Variants in CCDC146 observed in about 807,000 individuals in gnomAD.
CCDC146 encodes the protein coiled-coil domain containing 146, also known as coiled-coil domain-containing protein 146.
A neutral mutation model predicts 119.3 loss-of-function variants in CCDC146; 92 were observed. That is an observed-to-expected ratio of 0.77 (90% confidence interval 0.65 to 0.92). The LOEUF is 0.92. Ranked by LOEUF, CCDC146 falls within the 40% of genes least tolerant of loss-of-function variation. CCDC146 has a pLI of 0.00. For missense variants in CCDC146, 1,000 were observed against 1,103.0 expected (o/e 0.91, Z 1.32); for synonymous variants, 372 against 371.8 (o/e 1.00, Z -0.01).
intron 2 of CCDC146, among the ~76,000 whole-genome samples, chr7:77,221,335 C>T (rs1397355941): frequency 6.6e-6 from 1 of 152,190 alleles, no homozygotes; most frequent in Non-Finnish European, 1.5e-5. Flanking sequence ...CTTTTAATAT[C>T]CATTCCAAAC....
chr7:77,192,037 C>T (rs146002133), intron 2 of CCDC146, among the ~76,000 whole-genome samples: 1,759 of 152,166 alleles, frequency 0.012, 30 homozygotes, highest in African/African-American at 0.04. Context: ...AGCAATTCTC[C>T]TGCCTCAGCT....
chr7:77,148,729 A>G (rs1584025332), intron 1 of CCDC146, among the ~76,000 whole-genome samples: 1 of 152,232 alleles, frequency 6.6e-6, no homozygotes, highest in African/African-American at 2.4e-5. Flanking sequence ...CCCATTCACA[A>G]TTGCTTCAAA....
intron 2 of CCDC146, among the ~76,000 whole-genome samples, chr7:77,234,608 G>A (rs972764808): frequency 2.0e-5 from 3 of 152,068 alleles, no homozygotes; most frequent in South Asian, 2.1e-4. Flanking sequence ...GGTGGCATGC[G>A]CCTGTAGTCC....
At chr7:77,137,866 T>C (rs1790880639) in intron 1 of CCDC146, among the ~76,000 whole-genome samples, 1 of 150,472 alleles carries the variant, frequency 6.6e-6, no homozygotes, top group Non-Finnish European at 1.5e-5. Context: ...CTCAAATATA[T>C]GTAGGTTCTG....
At chr7:77,249,046 C>T (rs1016168097) in intron 4 of CCDC146, among the ~76,000 whole-genome samples, 1 of 152,118 alleles carries the variant, frequency 6.6e-6, no homozygotes, top group Admixed American at 6.5e-5. Context: ...TGACTATGTC[C>T]TTAACTGATC....
intron 2 of CCDC146, among the ~76,000 whole-genome samples, chr7:77,221,203 A>G (rs1461574761): frequency 6.6e-6 from 1 of 152,224 alleles, no homozygotes; most frequent in African/African-American, 2.4e-5. Flanking sequence ...CTCCACCTCC[A>G]ACACTGGGTA....
rs557123737 is a variant in CCDC146 at position 77,180,735 on chromosome 7, C to T, written c.156+12911C>T. On this transcript the variant is annotated intron_variant, in intron 2 of 18. Coordinates refer to ENST00000285871, the MANE Select transcript of CCDC146 (RefSeq NM_020879.3). ...TCCTTTAAAAATTTTTGGATATATA[C>T]CCGGAAGTGGAATGGCTGAATGATG... 5.3e-5 allele frequency among the ~76,000 whole-genome samples: 8 copies of T among 151,994 alleles called. No homozygotes were observed. The South Asian group carries it at 1.5e-3, about 28-fold the overall frequency.
At chr7:77,291,367 T>C (rs1356073545) in intron 17 of CCDC146, among the ~76,000 whole-genome samples, 1 of 151,954 alleles carries the variant, frequency 6.6e-6, no homozygotes, top group African/African-American at 2.4e-5. Context: ...GTTAGTCTTA[T>C]CTTTTAACTG....
At chr7:77,221,930 T>A (rs902624506) in intron 2 of CCDC146, among the ~76,000 whole-genome samples, 2 of 152,218 alleles carry the variant, frequency 1.3e-5, no homozygotes, top group Admixed American at 6.5e-5. Flanking sequence ...GCCCTGTATT[T>A]ACATGACAAA....
At chr7:77,242,067 G>A (rs555085435) in intron 4 of CCDC146, among the ~76,000 whole-genome samples, 167 bp downstream of exon 4, 1 of 152,330 alleles carries the variant, frequency 6.6e-6, no homozygotes, top group East Asian at 1.9e-4. Flanking sequence ...CCCTGAACAA[G>A]AAAGTTACAC....
At position 77,290,030 on chromosome 7, in the gene CCDC146, G is replaced by A. The variant is rs577376763; in HGVS notation, c.2415+2453G>A. 2.6e-5 allele frequency among the ~76,000 whole-genome samples: 4 copies of A among 151,932 alleles called. No individual in the cohort carries two copies. In the East Asian group the frequency reaches 5.8e-4, roughly 22 times the overall value. On this transcript the variant is annotated intron_variant, in intron 17 of 18. Coordinates refer to ENST00000285871, the MANE Select transcript of CCDC146 (RefSeq NM_020879.3). ...ATGATAGACTGGATTAAGCAAATGT[G>A]GTACATATACACCATGGAATACTAT...
chr7:77,209,248 C>T (rs1792137584), intron 2 of CCDC146, among the ~76,000 whole-genome samples: 1 of 152,180 alleles, frequency 6.6e-6, no homozygotes, highest in Non-Finnish European at 1.5e-5. Context: ...GTAAATACAC[C>T]CATTCCAAGA....
chr7:77,221,582 A>AC (rs368833319), intron 2 of CCDC146, among the ~76,000 whole-genome samples: 19 of 152,302 alleles, frequency 1.2e-4, no homozygotes, highest in African/African-American at 4.6e-4. Context: ...CCACCCTGAT[A>AC]CATAGCCATA....
At chr7:77,143,060 A>G (rs1461831355) in intron 1 of CCDC146, among the ~76,000 whole-genome samples, 2 of 151,844 alleles carry the variant, frequency 1.3e-5, no homozygotes, top group Non-Finnish European at 2.9e-5. Flanking sequence ...ATTTCTACAC[A>G]TCCTCTCCAG....
At chr7:77,224,135 C>G (rs1037884522) in intron 2 of CCDC146, among the ~76,000 whole-genome samples, 1 of 152,220 alleles carries the variant, frequency 6.6e-6, no homozygotes, top group Non-Finnish European at 1.5e-5. Flanking sequence ...TTACCACAAA[C>G]TTAGTGGCTT....
At chr7:77,259,138 C>CT (rs1185948954) in intron 7 of CCDC146, 70 bp downstream of exon 7, 3 of 901,296 alleles carry the variant, frequency 3.3e-6, no homozygotes, top group Non-Finnish European at 3.6e-6. Flanking sequence ...AACAAGAGTA[C>CT]TAACCATTGG....
chr7:77,261,790 A>G (rs1793305005), intron 8 of CCDC146, among the ~76,000 whole-genome samples: 1 of 152,144 alleles, frequency 6.6e-6, no homozygotes, highest in Non-Finnish European at 1.5e-5. Flanking sequence ...ATTCTTTTTT[A>G]TGGCTGCATA....
chr7:77,149,670 GA>G (rs1791078237), intron 1 of CCDC146, among the ~76,000 whole-genome samples: 1 of 151,660 alleles, frequency 6.6e-6, no homozygotes, highest in African/African-American at 2.4e-5. Flanking sequence ...GGATACTGAG[GA>G]CAAGGATCAC....
At chr7:77,219,600 C>T (rs1468036493) in intron 2 of CCDC146, among the ~76,000 whole-genome samples, 2 of 152,212 alleles carry the variant, frequency 1.3e-5, no homozygotes, top group African/African-American at 4.8e-5. Flanking sequence ...GATTCTGAGG[C>T]TCTAACTTTA....
Sources: gnomAD v4.1 joint callset for allele counts (sites outside exome capture counted in the v4.1 genomes callset) on GRCh38, gnomAD v4.1.1 for gene constraint, MANE v1.5 for transcripts, NCBI Gene and HGNC (gene_info 2026-07-23, HGNC 2026-07-21) for gene names.